ATP8B1: variants seen among roughly 807,000 people sequenced by gnomAD.
ATP8B1 encodes the protein phospholipid-transporting ATPase IC.
In ATP8B1, 80 loss-of-function variants were observed where a neutral mutation model predicts 149.9. The ratio of observed to expected loss-of-function variants is 0.53; its 90% CI spans 0.45 to 0.64. The LOEUF (loss-of-function observed/expected upper bound fraction) is 0.64. ATP8B1 is among the 30% of genes least tolerant of loss of function. The pLI, the probability that ATP8B1 is intolerant of heterozygous loss-of-function variation, is 0.00. For missense variants in ATP8B1, 1,247 were observed against 1,552.6 expected, an observed-to-expected ratio of 0.80 and a Z score of 3.31; for synonymous variants, 536 against 562.8, an observed-to-expected ratio of 0.95 and a Z score of 0.67.
intron 1 of ATP8B1, among the ~76,000 whole-genome samples, chr18:57,799,432 C>T (rs371967159): frequency 1.6e-4 from 24 of 152,062 alleles, no homozygotes; most frequent in East Asian, 3.9e-4. Context: ...AAAATGAGGC[C>T]GGGTGCGGTG....
intron 22 of ATP8B1, among the ~76,000 whole-genome samples, chr18:57,658,669 T>TGTG (rs1910181331): frequency 6.6e-5 from 8 of 122,052 alleles, no homozygotes; most frequent in Non-Finnish European, 1.1e-4. Context: ...GTGTGTGTGT[T>TGTG]CTTTTTTGTT....
chr18:57,802,661 C>T lies in ATP8B1; in HGVS notation c.-26+337G>A, dbSNP rs2080591645. ...ATCCCCCAAGGAGCCGCAAGCCCTA[C>T]CTGGCTTAACCCCCGGACATGTGTG... On this transcript the variant is annotated intron_variant, in intron 1 of 27. Transcript: ENST00000648908. The surrounding 1 kb of genome is among the most constrained non-coding windows in gnomAD (Gnocchi z 4.9). 6.6e-6 allele frequency among the ~76,000 whole-genome samples: 1 copy of T among 152,254 alleles called. No individual in the cohort carries two copies. The highest frequency in any genetic ancestry group is 1.5e-5 in the Non-Finnish European group (1 of 68,044).
chr18:57,714,642 T>C (rs546834492), intron 2 of ATP8B1, among the ~76,000 whole-genome samples: 5 of 141,952 alleles, frequency 3.5e-5, no homozygotes, highest in Non-Finnish European at 7.8e-5. Flanking sequence ...AGAGATTGAT[T>C]CTGTTTGGGA....
intron 22 of ATP8B1, among the ~76,000 whole-genome samples, chr18:57,658,686 G>A (rs1331584823): frequency 6.6e-6 from 1 of 150,624 alleles, no homozygotes; most frequent in Non-Finnish European, 1.5e-5. Flanking sequence ...TGTTGTTGGA[G>A]AAAGGGTCTT....
At chr18:57,747,144 A>G (rs2079971731) in intron 1 of ATP8B1, among the ~76,000 whole-genome samples, 1 of 152,202 alleles carries the variant, frequency 6.6e-6, no homozygotes. Flanking sequence ...GCCAGAGACA[A>G]AGATAGCTTG....
At chr18:57,675,482 A>G (rs1031896419) in intron 15 of ATP8B1, among the ~76,000 whole-genome samples, 6 of 152,220 alleles carry the variant, frequency 3.9e-5, no homozygotes, top group African/African-American at 1.4e-4. Context: ...TTTTCCCATT[A>G]CAGACACTTA....
chr18:57,716,624 G>A (rs1458306453), intron 2 of ATP8B1, among the ~76,000 whole-genome samples: 1 of 152,174 alleles, frequency 6.6e-6, no homozygotes, highest in Admixed American at 6.6e-5. Flanking sequence ...AGTTCAGCAA[G>A]AGGATATAAT....
At chr18:57,737,779 C>G (rs1317964816) in intron 1 of ATP8B1, 1 of 152,198 alleles carries the variant, frequency 6.6e-6, no homozygotes, top group Non-Finnish European at 1.5e-5. Flanking sequence ...GATATTAAGA[C>G]TGTCTCCAGC....
intron 1 of ATP8B1, among the ~76,000 whole-genome samples, chr18:57,769,316 C>G (rs899184314): frequency 1.3e-5 from 2 of 152,206 alleles, no homozygotes; most frequent in Non-Finnish European, 2.9e-5. Flanking sequence ...GATTGGCTCC[C>G]TTCTCCCTGC....
At chr18:57,669,586 T>G in intron 17 of ATP8B1, 104 bp from the exon 18 acceptor site, 1 of 1,059,896 alleles carries the variant, frequency 9.4e-7, no homozygotes, top group Non-Finnish European at 1.4e-6. Context: ...ACTAACAGAA[T>G]TTAAAAAGAG....
At chr18:57,648,852 TTGTGTGTGTGTG>T (rs1161789963) in intron 27 of ATP8B1, 140 bp from the exon 28 acceptor site, 1 of 555,126 alleles carries the variant, frequency 1.8e-6, no homozygotes, top group Non-Finnish European at 3.2e-6. Context: ...CTGTCCCCAC[TTGTGTGTGTGTG>T]TGTGTGTGTG....
At chr18:57,733,730 T>A (rs113812064) in intron 1 of ATP8B1, among the ~76,000 whole-genome samples, 81 of 123,530 alleles carry the variant, frequency 6.6e-4, no homozygotes, top group Middle Eastern at 4.0e-3. Context: ...AAAAAAAAAA[T>A]GTAAGGCAAA....
In ATP8B1 at chr18:57,687,073, C is replaced by T. The variant is rs923255427; in HGVS notation, c.1429+1226G>A. On this transcript the variant is annotated intron_variant, in intron 13 of 27. Coordinates refer to ENST00000648908, the MANE Select transcript of ATP8B1 (RefSeq NM_001374385.1). Reference sequence around the variant, plus strand: ...AGAATTCTGGGCCTCAAGCAATCCTCCCACCTTGACCTCCCAAAGTGTTGT... The same window carrying T: ...AGAATTCTGGGCCTCAAGCAATCCTTCCACCTTGACCTCCCAAAGTGTTGT... Among the ~76,000 whole-genome samples the T allele has an allele frequency of 1.3e-5, 2 of 152,170 alleles. 1 individual carries two copies. The highest frequency in any genetic ancestry group is 4.1e-4 in the South Asian group (2 of 4,824).
Position 57,662,782 on chromosome 18 carries a change from C to T in ATP8B1, c.2286-167G>A, listed in dbSNP as rs900506462. On this transcript the variant is annotated intron_variant, in intron 20 of 27. Coordinates refer to ENST00000648908, the MANE Select transcript of ATP8B1 (RefSeq NM_001374385.1). Reference sequence around the variant, plus strand: ...CATTATAATTTTTTTGAGAGAGGGTCTCACTCTGTCACCCAGGCTGGAGAG... The same window carrying T: ...CATTATAATTTTTTTGAGAGAGGGTTTCACTCTGTCACCCAGGCTGGAGAG... 2.0e-5 allele frequency among the ~76,000 whole-genome samples: 3 copies of T among 152,224 alleles called. No homozygotes were observed. In the South Asian group the frequency reaches 6.2e-4, roughly 32 times the overall value.
Position 57,661,278 on chromosome 18 carries a change from A to G in ATP8B1, c.2603T>C (p.Val868Ala). ...CACCATGGCCTTCTGCTTGGGGGTG[A>G]CGCGGCAGCAGATGACTGCGCTGCA... ...CECSAVICCR[V>A]TPKQKAMVVD... is the part of the protein sequence containing the mutation. Residue 868 changes from valine (V) to alanine (A), a missense_variant, in exon 22 of 28, where the codon GTC (valine) becomes GCC (alanine). Around this residue, in one of 3 missense-constraint regions of ATP8B1, gnomAD observed 230 missense variants for 356.6 expected, o/e 0.65. Transcript: ENST00000648908. 2 of 1,613,900 alleles carry G rather than the reference A, an allele frequency of 1.2e-6. No individual in the cohort carries two copies. Among genetic ancestry groups the G allele is most frequent in the Non-Finnish European group, 1.7e-6 (2 of 1,179,998 alleles).
intron 1 of ATP8B1, among the ~76,000 whole-genome samples, chr18:57,750,580 C>T (rs2080006719): frequency 1.3e-5 from 2 of 152,208 alleles, no homozygotes; most frequent in Admixed American, 1.3e-4. Flanking sequence ...ACAAAACGGT[C>T]ACCTCCAAGT....
At chr18:57,781,642 A>C (rs547922913) in intron 1 of ATP8B1, among the ~76,000 whole-genome samples, 85 of 152,344 alleles carry the variant, frequency 5.6e-4, no homozygotes, top group African/African-American at 1.9e-3. Flanking sequence ...GTGATCTCTC[A>C]CTATAACTTA....
rs139781493 is a variant in ATP8B1 at position 57,750,040 on chromosome 18, T to G, written c.-25-18208A>C. Reference sequence around the variant, plus strand: ...GGTGGATCACTTGAGGTCAGGAATTTGAGACCAGCCTGGCCAACATCATGA... The same window carrying G: ...GGTGGATCACTTGAGGTCAGGAATTGGAGACCAGCCTGGCCAACATCATGA... On this transcript the variant is annotated intron_variant, in intron 1 of 27. Coordinates refer to ENST00000648908, the MANE Select transcript of ATP8B1 (RefSeq NM_001374385.1). 8.4e-3 allele frequency among the ~76,000 whole-genome samples: 1,276 copies of G among 152,158 alleles called. 23 individuals are homozygous for G. Among genetic ancestry groups the G allele is most frequent in the African/African-American group, 0.029 (1,184 of 41,482 alleles).
At chr18:57,672,894 A>G (rs1451586300) in intron 16 of ATP8B1, among the ~76,000 whole-genome samples, 5 of 33,848 alleles carry the variant, frequency 1.5e-4, no homozygotes, top group African/African-American at 6.1e-4. Context: ...AAGTATATAT[A>G]TATATATATA....
Sources: gnomAD v4.1 joint callset for allele counts (sites outside exome capture counted in the v4.1 genomes callset) on GRCh38, gnomAD v4.1.1 for gene constraint, gnomAD v4.1.1 regional missense constraint, Gnocchi (gnomAD v3.1) non-coding constraint, MANE v1.5 for transcripts, NCBI Gene and HGNC (gene_info 2026-07-23, HGNC 2026-07-21) for gene names.